Variants in SDK2 observed in about 807,000 individuals in gnomAD.
SDK2 encodes the protein sidekick cell adhesion molecule 2, also known as protein sidekick-2.
In SDK2, 105 loss-of-function variants were observed where a neutral mutation model predicts 253.9. That is an observed-to-expected ratio of 0.41 (90% confidence interval 0.35 to 0.49). The LOEUF (loss-of-function observed/expected upper bound fraction) is 0.49, where lower values mean the gene tolerates loss of function less well. Among genes scored for constraint, SDK2 ranks in the 20% least tolerant of loss-of-function variants. SDK2 has a pLI of 0.06. For missense variants in SDK2, 2,608 were observed against 3,003.0 expected (o/e 0.87, Z 3.07); for synonymous variants, 1,249 against 1,234.9 (o/e 1.01, Z -0.24).
At position 73,627,893 on chromosome 17, in the gene SDK2, C is replaced by CA. The variant is rs372131098; in HGVS notation, c.64+16131dup. Among the ~76,000 whole-genome samples the CA allele has an allele frequency of 8.0e-3, 1,213 of 151,212 alleles. 9 individuals are homozygous for CA. The highest frequency in any genetic ancestry group is 0.031 in the Middle Eastern group (9 of 294). On this transcript the variant is annotated intron_variant, in intron 1 of 44. Coordinates refer to ENST00000392650, the MANE Select transcript of SDK2 (RefSeq NM_001144952.2). The stretch of plus-strand genomic sequence containing the variant: ...TGAAACCCCGTCTCCACTACAAATA[C>CA]AAAAAAAAATTAGCCAGGCGTGGTG...
Position 73,388,106 on chromosome 17 carries a change from C to T in SDK2, c.4193-69G>A, listed in dbSNP as rs570676097. On this transcript the variant is annotated intron_variant, in intron 29 of 44. Coordinates refer to ENST00000392650, the MANE Select transcript of SDK2 (RefSeq NM_001144952.2). ...CATGGTGGAGGGGGCTGGACTTTCT[C>T]GAGGGAGGAAAGGAGGTGATCTGGG... 1.4e-4 allele frequency: 153 copies of T among 1,118,616 alleles called. No individual in the cohort carries two copies. The African/African-American group carries it at 1.6e-3, about 12-fold the overall frequency. 69.3% of individuals were successfully genotyped at this position (1,118,616 alleles called of 1,614,324 possible). A position where few individuals can be genotyped will look rare whatever the true frequency, so the allele number is the denominator to read the frequency against.
rs746170513 is a variant in SDK2, at chr17:73,383,666, G to A, written c.4705+210C>T. Among the ~76,000 whole-genome samples the A allele has an allele frequency of 6.6e-6, 1 of 152,330 alleles. No homozygotes were observed. Among genetic ancestry groups the A allele is most frequent in the Middle Eastern group, 3.4e-3 (1 of 294 alleles). Reference sequence around the variant, plus strand: ...GACCCTGTCTGTCTTGATCATTGGTGTGCCCCACAGTGACTCGGGGCCCAT... The same window carrying A: ...GACCCTGTCTGTCTTGATCATTGGTATGCCCCACAGTGACTCGGGGCCCAT... On this transcript the variant is annotated intron_variant, in intron 33 of 44. Coordinates refer to ENST00000392650, the MANE Select transcript of SDK2 (RefSeq NM_001144952.2). This position sits in a 1 kb window ranked among gnomAD's most constrained non-coding sequence, Gnocchi z 4.3.
intron 1 of SDK2, among the ~76,000 whole-genome samples, chr17:73,627,062 T>C (rs1021317844): frequency 2.6e-5 from 4 of 152,166 alleles, no homozygotes; most frequent in Admixed American, 6.5e-5. Flanking sequence ...GAGCATCTTG[T>C]ATATTTTGAA....
chr17:73,442,137 TAA>T (rs1196504154), intron 5 of SDK2, among the ~76,000 whole-genome samples: 1 of 152,244 alleles, frequency 6.6e-6, no homozygotes, highest in Non-Finnish European at 1.5e-5. Context: ...CATGTCCTTA[TAA>T]AAAGAGGAAG....
In SDK2 at chr17:73,433,253, C is replaced by T. The variant is rs117730567; in HGVS notation, c.1312+479G>A. On this transcript the variant is annotated intron_variant, in intron 10 of 44. Coordinates refer to ENST00000392650, the MANE Select transcript of SDK2 (RefSeq NM_001144952.2). ...GGTCTTGGAAGATGAAGAGCTGGACCTTGAGCCTGGCAAGGCTGGGATGTG... is the reference window on the plus strand; with the variant it reads ...GGTCTTGGAAGATGAAGAGCTGGACTTTGAGCCTGGCAAGGCTGGGATGTG... Among the ~76,000 whole-genome samples, 919 of 151,868 alleles carry T rather than the reference C, an allele frequency of 6.1e-3. 8 individuals are homozygous for T. The highest frequency in any genetic ancestry group is 9.8e-3 in the South Asian group (47 of 4,802).
At chr17:73,631,241 C>T (rs956995311) in intron 1 of SDK2, among the ~76,000 whole-genome samples, 1 of 152,222 alleles carries the variant, frequency 6.6e-6, no homozygotes, top group African/African-American at 2.4e-5. Flanking sequence ...TCCTTGGCAG[C>T]CCAGGCCCCA....
At chr17:73,485,040 G>A (rs948745735) in intron 2 of SDK2, among the ~76,000 whole-genome samples, 10 of 152,122 alleles carry the variant, frequency 6.6e-5, no homozygotes, top group Non-Finnish European at 1.3e-4. Context: ...AATTACCTCT[G>A]CAATGACCTT....
At chr17:73,604,210 G>A (rs893945873) in intron 1 of SDK2, among the ~76,000 whole-genome samples, 1 of 152,230 alleles carries the variant, frequency 6.6e-6, no homozygotes, top group Non-Finnish European at 1.5e-5. Context: ...AGCGAACAGA[G>A]CCCCATTCAG....
At chr17:73,390,537 C>T (rs1168819142) in intron 28 of SDK2, 56 bp from the exon 29 acceptor site, 2 of 1,525,866 alleles carry the variant, frequency 1.3e-6, no homozygotes, top group East Asian at 2.3e-5. Flanking sequence ...GCTCCTAGGG[C>T]CCCGGGAAGG....
intron 29 of SDK2, 50 bp downstream of exon 29, chr17:73,390,237 G>GC (rs767147221): frequency 1.2e-5 from 18 of 1,449,508 alleles, no homozygotes; most frequent in South Asian, 5.3e-5. Context: ...GCACTGGCTG[G>GC]CCCCCCCTCA....
In SDK2 at chr17:73,536,950, G is replaced by A. The variant is rs8071184; in HGVS notation, c.65-29353C>T. Among the ~76,000 whole-genome samples the A allele has an allele frequency of 8.0e-4, 122 of 152,290 alleles. 1 individual carries two copies. The highest frequency in any genetic ancestry group is 2.9e-3 in the African/African-American group (119 of 41,566). ...TTTACTTACATAATGGGTCAGGGAG[G>A]CCTTCCTCTAACCAGGTTGGAGGAC... On this transcript the variant is annotated intron_variant, in intron 1 of 44. Coordinates refer to ENST00000392650, the MANE Select transcript of SDK2 (RefSeq NM_001144952.2).
chr17:73,466,019 G>A lies in SDK2; in HGVS notation c.331+6093C>T, dbSNP rs113002472. 5.1e-3 allele frequency among the ~76,000 whole-genome samples: 770 copies of A among 152,318 alleles called. 9 individuals carry two copies. The highest frequency in any genetic ancestry group is 0.018 in the African/African-American group (733 of 41,564). ...CAGAATCCTGGGAGGGCCCCAGACT[G>A]GGGTAGGGAGAGGGGACTGAAGTGC... On this transcript the variant is annotated intron_variant, in intron 3 of 44. Transcript: ENST00000392650.
intron 2 of SDK2, among the ~76,000 whole-genome samples, chr17:73,488,237 C>T (rs932492605): frequency 5.3e-5 from 8 of 151,958 alleles, no homozygotes; most frequent in African/African-American, 1.2e-4. Flanking sequence ...AGGATGGTCT[C>T]GATCTCCTAA....
At chr17:73,468,375 A>T (rs868463479) in intron 3 of SDK2, among the ~76,000 whole-genome samples, 2 of 152,180 alleles carry the variant, frequency 1.3e-5, no homozygotes, top group Non-Finnish European at 2.9e-5. Context: ...GGTCGATATT[A>T]TTAATACATT....
chr17:73,386,427 T>C lies in SDK2; in HGVS notation c.4498+18A>G. On this transcript the variant is annotated intron_variant, in intron 31 of 44. Coordinates refer to ENST00000392650, the MANE Select transcript of SDK2 (RefSeq NM_001144952.2). ...GCCAGTGGGCTGAGAGAGAGACTGC[T>C]GGGGAAGGGGTACTGACCAGCCTGC... 6.6e-7 allele frequency: 1 copy of C among 1,504,974 alleles called. No homozygotes were observed. Among genetic ancestry groups the C allele is most frequent in the South Asian group, 1.2e-5 (1 of 83,126 alleles). 93.2% of individuals were successfully genotyped at this position (1,504,974 alleles called of 1,614,324 possible). A position where few individuals can be genotyped will look rare whatever the true frequency, so the allele number is the denominator to read the frequency against.
intron 1 of SDK2, chr17:73,518,004 TC>T (rs1358568073): frequency 1.3e-5 from 2 of 152,392 alleles, no homozygotes; most frequent in African/African-American, 4.8e-5. Flanking sequence ...GCTTGGTGAT[TC>T]CCATGCTACA....
chr17:73,393,833 G>GA, intron 26 of SDK2, 84 bp from the exon 27 acceptor site: 5 of 1,125,614 alleles, frequency 4.4e-6, no homozygotes, highest in Non-Finnish European at 4.9e-6. Flanking sequence ...CCCAGGATGA[G>GA]CAGCTGTGTG....
chr17:73,623,318 TCA>T (rs1050018410), intron 1 of SDK2, among the ~76,000 whole-genome samples: 2 of 152,196 alleles, frequency 1.3e-5, no homozygotes, highest in Non-Finnish European at 2.9e-5. Flanking sequence ...AGAGGCTGGG[TCA>T]CTTGTCTAGG....
chr17:73,334,506 G>A lies in SDK2; in HGVS notation c.*4081C>T, dbSNP rs1299031993. 4.6e-5 allele frequency: 7 copies of A among 152,056 alleles called. No individual in the cohort carries two copies. The highest frequency in any genetic ancestry group is 9.7e-5 in the African/African-American group (4 of 41,394). The allele number at this position is 152,056 out of a possible 1,614,324, so 9.4% of individuals were successfully genotyped here. A position where few individuals can be genotyped will look rare whatever the true frequency, so the allele number is the denominator to read the frequency against. ...ATTTAAAAAATAAACCTGCTAACACGCTATATGACATAGAGATATATATTT... is the reference window on the plus strand; with the variant it reads ...ATTTAAAAAATAAACCTGCTAACACACTATATGACATAGAGATATATATTT... On this transcript the variant is annotated 3_prime_UTR_variant, in exon 45 of 45. Coordinates refer to ENST00000392650, the MANE Select transcript of SDK2 (RefSeq NM_001144952.2).
Sources: gnomAD v4.1 joint callset for allele counts (sites outside exome capture counted in the v4.1 genomes callset) on GRCh38, gnomAD v4.1.1 for gene constraint, Gnocchi (gnomAD v3.1) non-coding constraint, MANE v1.5 for transcripts, NCBI Gene and HGNC (gene_info 2026-07-23, HGNC 2026-07-21) for gene names.